GPM6A: variants seen among roughly 807,000 people sequenced by gnomAD.
GPM6A encodes the protein glycoprotein M6A, also known as neuronal membrane glycoprotein M6-a.
In GPM6A, 7 loss-of-function variants were observed where a neutral mutation model predicts 32.1. The ratio of observed to expected loss-of-function variants is 0.22; its 90% confidence interval spans 0.12 to 0.41. The LOEUF (loss-of-function observed/expected upper bound fraction) is 0.41. GPM6A is among the 10% of genes least tolerant of loss of function. The pLI is 1.00. For missense variants in GPM6A, 235 were observed against 347.2 expected, an observed-to-expected ratio of 0.68 and a Z score of 2.57; for synonymous variants, 130 against 123.4, an observed-to-expected ratio of 1.05 and a Z score of -0.35.
chr4:175,923,514 G>T (rs1351614775), intron 1 of GPM6A, among the ~76,000 whole-genome samples: 1 of 151,394 alleles, frequency 6.6e-6, no homozygotes, highest in African/African-American at 2.4e-5. Context: ...TCACCTTCCT[G>T]CAGTTTTGGG....
At chr4:175,749,263 A>C (rs1024492224) in intron 1 of GPM6A, among the ~76,000 whole-genome samples, 2 of 152,194 alleles carry the variant, frequency 1.3e-5, no homozygotes, top group African/African-American at 4.8e-5. Context: ...AACTTTGATA[A>C]TCACTGATCG....
chr4:175,762,918 G>C (rs1398332830), intron 1 of GPM6A, among the ~76,000 whole-genome samples: 1 of 152,052 alleles, frequency 6.6e-6, no homozygotes, highest in South Asian at 2.1e-4. Flanking sequence ...AGAGAGGGAA[G>C]GGAAATGAGG....
At chr4:175,775,061 C>T (rs11133111) in intron 1 of GPM6A, among the ~76,000 whole-genome samples, 77,583 of 151,564 alleles carry the variant, frequency 0.51, 20,351 homozygotes, top group East Asian at 0.83. Flanking sequence ...TTATTTTTAG[C>T]GTGTAAAGTC....
intron 2 of GPM6A, among the ~76,000 whole-genome samples, chr4:175,674,861 C>T (rs1026123253): frequency 3.3e-5 from 5 of 151,076 alleles, no homozygotes; most frequent in Non-Finnish European, 7.4e-5. Context: ...TGGGAAGGTC[C>T]TTTTCATTTT....
In GPM6A at chr4:175,718,403, G is replaced by A. The variant is rs1745949095; in HGVS notation, c.38-16636C>T. On this transcript the variant is annotated intron_variant, in intron 1 of 6. Transcript: ENST00000393658. Reference sequence around the variant, plus strand: ...GGCTGAGGTGGGAGGATCAGTTGAGGTCAGGAGTTGGAAACAAGCCTGGCC... The same window carrying A: ...GGCTGAGGTGGGAGGATCAGTTGAGATCAGGAGTTGGAAACAAGCCTGGCC... Among the ~76,000 whole-genome samples the A allele has an allele frequency of 2.0e-5, 3 of 151,994 alleles. No homozygotes were observed. The South Asian group carries it at 6.2e-4, about 32-fold the overall frequency.
intron 3 of GPM6A, among the ~76,000 whole-genome samples, chr4:175,660,768 A>G (rs917896133): frequency 6.6e-6 from 1 of 152,188 alleles, no homozygotes; most frequent in Admixed American, 6.5e-5. Context: ...AGAATGAAGA[A>G]GCAAAAAAAA....
At chr4:175,923,112 T>C (rs1008871778) in intron 1 of GPM6A, among the ~76,000 whole-genome samples, 1 of 151,580 alleles carries the variant, frequency 6.6e-6, no homozygotes, top group African/African-American at 2.4e-5. Context: ...AATCTTTTTC[T>C]AGAAAATATA....
At chr4:175,776,162 C>A (rs1733386416) in intron 1 of GPM6A, among the ~76,000 whole-genome samples, 2 of 152,070 alleles carry the variant, frequency 1.3e-5, no homozygotes, top group African/African-American at 4.8e-5. Context: ...AAAAAGAGAT[C>A]TATGGCAAGA....
At chr4:175,894,196 TC>T (rs1737728276) in intron 1 of GPM6A, among the ~76,000 whole-genome samples, 2 of 152,076 alleles carry the variant, frequency 1.3e-5, no homozygotes, top group South Asian at 4.1e-4. Flanking sequence ...TAGCAGACCG[TC>T]CTCATGTTAG....
intron 1 of GPM6A, among the ~76,000 whole-genome samples, chr4:175,921,509 C>T (rs952988170): frequency 1.0e-5 from 1 of 99,502 alleles, no homozygotes. Flanking sequence ...CATGGACCAT[C>T]ATTCCCAAAG....
At chr4:175,874,496 G>A (rs974638329) in intron 1 of GPM6A, among the ~76,000 whole-genome samples, 18 of 152,230 alleles carry the variant, frequency 1.2e-4, no homozygotes, top group African/African-American at 2.9e-4. Flanking sequence ...TGGTGTGGAG[G>A]GGAGGGAGGA....
rs143704054 is a variant in GPM6A at position 175,957,902 on chromosome 4, T to C, written c.-23+44407A>G. 7.7e-4 allele frequency among the ~76,000 whole-genome samples: 117 copies of C among 152,362 alleles called. 4 individuals are homozygous for C. In the East Asian group the frequency reaches 0.02, roughly 27 times the overall value. On this transcript the variant is annotated intron_variant, in intron 1 of 7. Transcript: ENST00000280187. ...TTGTTCTGTTTTGTTGTTTGTTTTT[T>C]GTTTTTTTGAGACGGAGTCTCACTG...
intron 1 of GPM6A, chr4:175,787,679 GAC>G: frequency 4.0e-6 from 4 of 999,138 alleles, no homozygotes; most frequent in Non-Finnish European, 5.0e-6. Context: ...ATATATGCAA[GAC>G]ATAATTTTCT....
intron 2 of GPM6A, among the ~76,000 whole-genome samples, chr4:175,679,292 A>T (rs569520935): frequency 4.1e-4 from 63 of 152,184 alleles, no homozygotes; most frequent in Non-Finnish European, 7.8e-4. Flanking sequence ...TCATGGTTAG[A>T]TACGGGTTAC....
At chr4:175,672,247 A>G (rs1743122054) in intron 3 of GPM6A, among the ~76,000 whole-genome samples, 1 of 152,088 alleles carries the variant, frequency 6.6e-6, no homozygotes, top group Non-Finnish European at 1.5e-5. Context: ...AGACCCCCTT[A>G]TCTCTTTATT....
intron 1 of GPM6A, among the ~76,000 whole-genome samples, chr4:175,924,384 C>T (rs893193823): frequency 2.6e-5 from 4 of 152,132 alleles, no homozygotes; most frequent in Admixed American, 2.0e-4. Context: ...CACATTGTAA[C>T]CCCCAAAGGT....
At chr4:175,956,203 C>T (rs1739980862) in intron 1 of GPM6A, among the ~76,000 whole-genome samples, 1 of 152,148 alleles carries the variant, frequency 6.6e-6, no homozygotes, top group African/African-American at 2.4e-5. Flanking sequence ...AGCCAAATTT[C>T]TCTTGGATAT....
intron 1 of GPM6A, among the ~76,000 whole-genome samples, chr4:175,838,907 G>A (rs1289740883): frequency 6.6e-6 from 1 of 151,812 alleles, no homozygotes; most frequent in African/African-American, 2.4e-5. Context: ...CTGACCTCAG[G>A]CCCACCTCAG....
intron 1 of GPM6A, among the ~76,000 whole-genome samples, chr4:175,922,337 A>G (rs1398202854): frequency 6.6e-6 from 1 of 152,188 alleles, no homozygotes; most frequent in African/African-American, 2.4e-5. Context: ...CAATCAGTCC[A>G]CATTAATAGA....
Sources: allele counts gnomAD v4.1 joint callset (sites outside exome capture counted in the v4.1 genomes callset), GRCh38; gene constraint gnomAD v4.1.1; transcripts MANE v1.5; gene names NCBI Gene and HGNC (gene_info 2026-07-23, HGNC 2026-07-21).